PRKAA2: variants seen among roughly 807,000 people sequenced by gnomAD.
PRKAA2 encodes protein kinase AMP-activated catalytic subunit alpha 2, also known as 5'-AMP-activated protein kinase catalytic subunit alpha-2.
Under a neutral mutation model 56.3 loss-of-function variants are expected in PRKAA2, and 40 were observed. That is an observed-to-expected ratio of 0.71 (90% CI 0.55 to 0.92). The LOEUF (loss-of-function observed/expected upper bound fraction) is 0.92. Among genes scored for constraint, PRKAA2 ranks in the 40% least tolerant of loss-of-function variants. The pLI is 0.00. For synonymous variants in PRKAA2, 214 were observed against 234.2 expected (o/e 0.91, Z 0.79); for missense variants, 542 against 686.9 (o/e 0.79, Z 2.36).
chr1:56,688,709 C>G lies in PRKAA2; in HGVS notation c.237-2685C>G, dbSNP rs560121165. Among the ~76,000 whole-genome samples the G allele has an allele frequency of 3.2e-4, 49 of 152,278 alleles. No homozygotes were observed. The South Asian group carries it at 1.0e-2, about 31-fold the overall frequency. On this transcript the variant is annotated intron_variant, in intron 2 of 8. Transcript: ENST00000371244. ...ACCAAACAACAGAGATGGCAAGGGC[C>G]TGATTTATTCAGGACCTAAGAGCAA...
At position 56,710,155 on chromosome 1, in the gene PRKAA2, G is replaced by A. The variant is rs1644360088; in HGVS notation, c.*2442G>A. The A allele has an allele frequency of 6.6e-6, 1 of 151,990 alleles. No individual in the cohort carries two copies. The highest frequency in any genetic ancestry group is 1.5e-5 in the Non-Finnish European group (1 of 67,970). 9.4% of individuals were successfully genotyped at this position (151,990 alleles called of 1,614,324 possible). ...ACTCTGAATGTGATAGGTAGATGTG[G>A]GCTAAGAATAATTTCCTCCAGTGAA... On this transcript the variant is annotated 3_prime_UTR_variant, in exon 9 of 9. Transcript: ENST00000371244.
intron 6 of PRKAA2, among the ~76,000 whole-genome samples, chr1:56,700,208 C>T (rs1201824601): frequency 6.6e-6 from 1 of 152,138 alleles, no homozygotes; most frequent in African/African-American, 2.4e-5. Context: ...TATATGGCTA[C>T]TGAAATCTCT....
chr1:56,652,178 A>G (rs1643905429), intron 1 of PRKAA2, among the ~76,000 whole-genome samples: 1 of 151,154 alleles, frequency 6.6e-6, no homozygotes, highest in Non-Finnish European at 1.5e-5. Context: ...ACGCCCTGCT[A>G]ATTTTTTGTA....
intron 1 of PRKAA2, among the ~76,000 whole-genome samples, chr1:56,668,467 A>G (rs1644051778): frequency 6.6e-6 from 1 of 151,794 alleles, no homozygotes; most frequent in Non-Finnish European, 1.5e-5. Flanking sequence ...GAGCATGTGA[A>G]ATTAAGTACT....
intron 2 of PRKAA2, among the ~76,000 whole-genome samples, chr1:56,680,579 A>G (rs564322068): frequency 7.4e-4 from 113 of 152,094 alleles, no homozygotes; most frequent in African/African-American, 2.2e-3. Context: ...TCATTGTTCA[A>G]TTCCCACCTA....
intron 2 of PRKAA2, among the ~76,000 whole-genome samples, chr1:56,676,942 G>A (rs1159570483): frequency 2.6e-5 from 4 of 152,134 alleles, no homozygotes; most frequent in Non-Finnish European, 5.9e-5. Context: ...AGTTCACTTA[G>A]TCATAAACAT....
Position 56,703,970 on chromosome 1 carries a change from G to T in PRKAA2, c.789-1G>T. On this transcript the variant is annotated splice_acceptor_variant, in intron 6 of 8. Transcript: ENST00000371244. LOFTEE classifies it high-confidence loss of function. ...ATAATGTATTGTGGTGTTTTTCCTA[G>T]AGAGCATGAATGGTTTAAACAAGAT... 6.3e-7 allele frequency: 1 copy of T among 1,596,228 alleles called. No individual in the cohort carries two copies. Among genetic ancestry groups the T allele is most frequent in the South Asian group, 1.1e-5 (1 of 86,986 alleles).
rs67041631 is a variant in PRKAA2 at position 56,664,855 on chromosome 1, T to TACACACACACACACAC, written c.95-9504_95-9489dup. Among the ~76,000 whole-genome samples the TACACACACACACACAC allele has an allele frequency of 5.0e-3, 702 of 139,904 alleles. 5 individuals are homozygous for TACACACACACACACAC. The highest frequency in any genetic ancestry group is 0.014 in the African/African-American group (508 of 36,806). The allele number at this position is 139,904 out of a possible 152,430, so 91.8% of individuals were successfully genotyped here. A position where few individuals can be genotyped will look rare whatever the true frequency, so the allele number is the denominator to read the frequency against. ...ACACATGTATGCATAAGTATATGTG[T>TACACACACACACACAC]ACACACACACACACACACACACACA... On this transcript the variant is annotated intron_variant, in intron 1 of 8. Coordinates refer to ENST00000371244, the MANE Select transcript of PRKAA2 (RefSeq NM_006252.4).
intron 1 of PRKAA2, among the ~76,000 whole-genome samples, chr1:56,664,225 T>C (rs1053175935): frequency 6.6e-6 from 1 of 152,238 alleles, no homozygotes; most frequent in African/African-American, 2.4e-5. Context: ...CATACTTCCA[T>C]TAATGCTTCG....
At chr1:56,699,095 T>C (rs557206476) in intron 6 of PRKAA2, among the ~76,000 whole-genome samples, 2 of 152,288 alleles carry the variant, frequency 1.3e-5, no homozygotes, top group African/African-American at 4.8e-5. Flanking sequence ...CCTTGTGAAA[T>C]TGCCATTTAA....
chr1:56,676,401 C>T (rs906308958), intron 2 of PRKAA2, among the ~76,000 whole-genome samples: 1 of 152,070 alleles, frequency 6.6e-6, no homozygotes, highest in Non-Finnish European at 1.5e-5. Flanking sequence ...GCCGTTTCTG[C>T]GTTTGAAGAT....
At position 56,692,596 on chromosome 1, in the gene PRKAA2, G is replaced by A. The variant is rs574700183; in HGVS notation, c.475+94G>A. Reference sequence around the variant, plus strand: ...AGAACTTTACTTTTCAACCTTGTACGTTCTGTACCATGAAAAGGAATTAGC... The same window carrying A: ...AGAACTTTACTTTTCAACCTTGTACATTCTGTACCATGAAAAGGAATTAGC... On this transcript the variant is annotated intron_variant, in intron 4 of 8. Transcript: ENST00000371244. 4.6e-5 allele frequency: 58 copies of A among 1,261,082 alleles called. No homozygotes were observed. The South Asian group carries it at 5.8e-4, about 13-fold the overall frequency. 78.1% of individuals were successfully genotyped at this position (1,261,082 alleles called of 1,614,324 possible). A position where few individuals can be genotyped will look rare whatever the true frequency, so the allele number is the denominator to read the frequency against.
chr1:56,699,925 G>A (rs1343948626), intron 6 of PRKAA2, among the ~76,000 whole-genome samples: 1 of 152,124 alleles, frequency 6.6e-6, no homozygotes, highest in African/African-American at 2.4e-5. Flanking sequence ...GCATGTATTA[G>A]TACTTCATTT....
intron 1 of PRKAA2, among the ~76,000 whole-genome samples, chr1:56,668,530 T>C (rs1644052065): frequency 1.3e-5 from 2 of 152,178 alleles, no homozygotes; most frequent in African/African-American, 4.8e-5. Context: ...GTTCAAATTA[T>C]TATGCAGTAT....
At position 56,714,715 on chromosome 1, in the gene PRKAA2, A is replaced by G. The variant is rs1178267065; in HGVS notation, c.*7002A>G. On this transcript the variant is annotated 3_prime_UTR_variant, in exon 9 of 9. Coordinates refer to ENST00000371244, the MANE Select transcript of PRKAA2 (RefSeq NM_006252.4). The stretch of plus-strand genomic sequence containing the variant: ...TGTTGTAGAACTGTGAACTCTAAGG[A>G]TAGTATCTTTATTGTTTTAGGAAGA... The G allele has an allele frequency of 6.6e-6, 1 of 152,168 alleles. No individual in the cohort carries two copies. Among genetic ancestry groups the G allele is most frequent in the Non-Finnish European group, 1.5e-5 (1 of 68,020 alleles). 9.4% of individuals were successfully genotyped at this position (152,168 alleles called of 1,614,324 possible). A position where few individuals can be genotyped will look rare whatever the true frequency, so the allele number is the denominator to read the frequency against.
intron 1 of PRKAA2, among the ~76,000 whole-genome samples, chr1:56,673,065 G>A (rs1044110973): frequency 6.6e-6 from 1 of 152,104 alleles, no homozygotes; most frequent in Non-Finnish European, 1.5e-5. Flanking sequence ...TAGGAGGAGG[G>A]ATGTGGACAG....
At chr1:56,653,792 A>G (rs372860223) in intron 1 of PRKAA2, among the ~76,000 whole-genome samples, 1 of 152,138 alleles carries the variant, frequency 6.6e-6, no homozygotes, top group Admixed American at 6.5e-5. Context: ...CTGCAAATGA[A>G]TGTGTTCAGA....
chr1:56,677,476 C>T (rs1006303068), intron 2 of PRKAA2, among the ~76,000 whole-genome samples: 8 of 152,102 alleles, frequency 5.3e-5, no homozygotes, highest in Admixed American at 5.2e-4. Context: ...CCATATTTGC[C>T]TTATACCTTG....
rs1273791969 is a variant in PRKAA2, at chr1:56,708,482, AT to A, written c.*770del. On this transcript the variant is annotated 3_prime_UTR_variant, in exon 9 of 9. Coordinates refer to ENST00000371244, the MANE Select transcript of PRKAA2 (RefSeq NM_006252.4). ...TACATAAACTTACGTCATTTAAAAAATGTCTTCAAAATCTACCTTTCTCAAA... is the reference window on the plus strand; with the variant it reads ...TACATAAACTTACGTCATTTAAAAAAGTCTTCAAAATCTACCTTTCTCAAA... 2.6e-5 allele frequency: 4 copies of A among 152,250 alleles called. No individual in the cohort carries two copies. Among genetic ancestry groups the A allele is most frequent in the African/African-American group, 9.6e-5 (4 of 41,462 alleles). The allele number at this position is 152,250 out of a possible 1,614,324, so 9.4% of individuals were successfully genotyped here.
Sources: allele counts gnomAD v4.1 joint callset (sites outside exome capture counted in the v4.1 genomes callset), GRCh38; gene constraint gnomAD v4.1.1; transcripts MANE v1.5; gene names NCBI Gene and HGNC (gene_info 2026-07-23, HGNC 2026-07-21).